The following RALYL variants were observed in gnomAD, a reference collection of about 807,000 sequenced individuals.
The protein encoded by RALYL is RNA-binding Raly-like protein.
In RALYL, 29 loss-of-function variants were observed where a neutral mutation model predicts 35.1. The observed-to-expected ratio is 0.83, with a 90% CI of 0.61 to 1.13. The LOEUF is 1.13. RALYL is among the 50% of genes most tolerant of loss of function. RALYL has a pLI of 0.00. For missense variants in RALYL, 359 were observed against 360.4 expected, an observed-to-expected ratio of 1.00 and a Z score of 0.03; for synonymous variants, 120 against 127.6, an observed-to-expected ratio of 0.94 and a Z score of 0.40.
intron 2 of RALYL, among the ~76,000 whole-genome samples, chr8:84,633,332 C>A (rs1030100596): frequency 6.6e-6 from 1 of 151,546 alleles, no homozygotes; most frequent in Non-Finnish European, 1.5e-5. Context: ...TCACATCAGG[C>A]AAATAAAATG....
At chr8:84,623,550 G>T (rs1003734513) in intron 2 of RALYL, among the ~76,000 whole-genome samples, 3 of 152,124 alleles carry the variant, frequency 2.0e-5, no homozygotes, top group South Asian at 2.1e-4. Context: ...TGCTGACCTT[G>T]AGAATAATTA....
chr8:84,282,349 C>T (rs1296368369), intron 1 of RALYL, among the ~76,000 whole-genome samples: 1 of 151,888 alleles, frequency 6.6e-6, no homozygotes, highest in Non-Finnish European at 1.5e-5. Flanking sequence ...CAGTATTTAT[C>T]CAGTGCTTAG....
chr8:84,552,464 A>G (rs1163049046), intron 2 of RALYL, among the ~76,000 whole-genome samples: 1 of 143,080 alleles, frequency 7.0e-6, no homozygotes, highest in African/African-American at 2.6e-5. Context: ...CTCTGTCTCC[A>G]ATATGAACTC....
At chr8:84,780,652 C>A (rs562368239) in intron 3 of RALYL, among the ~76,000 whole-genome samples, 2 of 152,210 alleles carry the variant, frequency 1.3e-5, no homozygotes, top group South Asian at 2.1e-4. Flanking sequence ...ATAACCTGAG[C>A]ATTATCAGTG....
chr8:84,661,834 T>C (rs1470246731), intron 2 of RALYL, among the ~76,000 whole-genome samples: 5 of 151,982 alleles, frequency 3.3e-5, no homozygotes. Flanking sequence ...CCTCTTTTCT[T>C]CCCAGATAAA....
chr8:84,846,394 T>C (rs1834667928), intron 4 of RALYL, among the ~76,000 whole-genome samples: 1 of 152,176 alleles, frequency 6.6e-6, no homozygotes, highest in Non-Finnish European at 1.5e-5. Context: ...TTTTTGTTTG[T>C]GGCTATTGTG....
intron 1 of RALYL, among the ~76,000 whole-genome samples, chr8:84,497,483 A>G (rs766004436): frequency 1.2e-4 from 18 of 152,180 alleles, no homozygotes; most frequent in African/African-American, 2.4e-5. Context: ...GGGTAGAGAA[A>G]TTAACTTTCC....
intron 4 of RALYL, among the ~76,000 whole-genome samples, chr8:84,844,005 C>T (rs907965998): frequency 4.6e-5 from 7 of 152,208 alleles, no homozygotes; most frequent in East Asian, 3.9e-4. Context: ...AACCTAGAAC[C>T]GTAAAAACCC....
At chr8:84,870,957 T>C (rs924147936) in intron 6 of RALYL, among the ~76,000 whole-genome samples, 8 of 152,184 alleles carry the variant, frequency 5.3e-5, no homozygotes, top group African/African-American at 1.9e-4. Context: ...CCAAGACTAT[T>C]TGTAGAGCCT....
At chr8:84,352,141 T>A (rs1321558125) in intron 1 of RALYL, among the ~76,000 whole-genome samples, 1 of 150,414 alleles carries the variant, frequency 6.6e-6, no homozygotes, top group Non-Finnish European at 1.5e-5. Context: ...TAATTCTTAC[T>A]TTGTGGGGAT....
chr8:84,302,834 A>G (rs564123384), intron 1 of RALYL, among the ~76,000 whole-genome samples: 62 of 152,310 alleles, frequency 4.1e-4, no homozygotes, highest in African/African-American at 1.3e-3. Context: ...GGTCTCTCCA[A>G]TTATTTCTGG....
At chr8:84,843,150 T>C (rs1476459922) in intron 4 of RALYL, among the ~76,000 whole-genome samples, 8 of 152,152 alleles carry the variant, frequency 5.3e-5, no homozygotes, top group African/African-American at 1.9e-4. Context: ...TAAAGGGTAT[T>C]CAATTAGGAA....
intron 1 of RALYL, among the ~76,000 whole-genome samples, chr8:84,358,452 A>C (rs541550331): frequency 6.6e-6 from 1 of 152,136 alleles, no homozygotes; most frequent in African/African-American, 2.4e-5. Context: ...CTAGGAATAC[A>C]TGAAACGATG....
At chr8:84,731,624 A>T (rs1017956277) in intron 2 of RALYL, among the ~76,000 whole-genome samples, 2 of 152,128 alleles carry the variant, frequency 1.3e-5, no homozygotes, top group African/African-American at 4.8e-5. Context: ...GGGCTACTGC[A>T]GTTGCCTTCT....
chr8:84,855,141 G>C (rs1239541650), intron 5 of RALYL, among the ~76,000 whole-genome samples: 1 of 152,156 alleles, frequency 6.6e-6, no homozygotes, highest in Non-Finnish European at 1.5e-5. Context: ...CCTTTTCCTT[G>C]CTCCAACCTT....
chr8:84,798,424 ATATT>A (rs1369321215), intron 3 of RALYL, among the ~76,000 whole-genome samples: 7 of 152,308 alleles, frequency 4.6e-5, no homozygotes, highest in South Asian at 2.1e-4. Context: ...GTGTAGTTAT[ATATT>A]TATTTCTCAC....
intron 2 of RALYL, among the ~76,000 whole-genome samples, chr8:84,747,558 C>T (rs1024959691): frequency 2.0e-5 from 3 of 151,762 alleles, no homozygotes; most frequent in Admixed American, 6.6e-5. Context: ...TTTTAAATGT[C>T]GGAAAGTGCA....
At chr8:84,770,376 T>C (rs984871782) in intron 2 of RALYL, among the ~76,000 whole-genome samples, 13 of 120,988 alleles carry the variant, frequency 1.1e-4, no homozygotes, top group Admixed American at 4.8e-4. Context: ...GGCAGTAATT[T>C]GTTCCTTTTT....
intron 2 of RALYL, among the ~76,000 whole-genome samples, chr8:84,682,976 T>A (rs1835914066): frequency 6.6e-6 from 1 of 152,200 alleles, no homozygotes. Context: ...CCTGTGGGCA[T>A]TTAGTGCTAT....
Sources: gnomAD v4.1 joint callset for allele counts (sites outside exome capture counted in the v4.1 genomes callset) on GRCh38, gnomAD v4.1.1 for gene constraint, MANE v1.5 for transcripts, NCBI Gene and HGNC (gene_info 2026-07-23, HGNC 2026-07-21) for gene names.